The following EYS variants were observed in gnomAD, a reference collection of about 807,000 sequenced individuals.
The protein encoded by EYS is EGF-like photoreceptor maintenance factor, also known as protein eyes shut homolog.
A neutral mutation model predicts 282.1 loss-of-function variants in EYS; 250 were observed. The ratio of observed to expected loss-of-function variants is 0.89; its 90% confidence interval spans 0.80 to 0.98. The LOEUF (loss-of-function observed/expected upper bound fraction) is 0.98. EYS is among the 50% of genes least tolerant of loss of function. The pLI is 0.00. For synonymous variants in EYS, 1,355 were observed against 1,282.9 expected (o/e 1.06, Z -1.20); for missense variants, 4,016 against 3,709.0 (o/e 1.08, Z -2.15).
intron 15 of EYS, among the ~76,000 whole-genome samples, chr6:64,929,143 C>A (rs1430516429): frequency 6.6e-6 from 1 of 151,892 alleles, no homozygotes; most frequent in Non-Finnish European, 1.5e-5. Context: ...TTCAATAGGA[C>A]CACTGTCTTT....
rs187283512 is a variant in EYS at position 64,382,723 on chromosome 6, T to C, written c.6078+5967A>G. ...AGATCAAACAGAGGTCCGAAGGATG[T>C]TGAAAACACACAGATTAAGAGAGAA... On this transcript the variant is annotated intron_variant, in intron 29 of 42. Transcript: ENST00000503581. Among the ~76,000 whole-genome samples, 7 of 152,282 alleles carry C rather than the reference T, an allele frequency of 4.6e-5. No homozygotes were observed. The East Asian group carries it at 1.4e-3, about 29-fold the overall frequency.
intron 11 of EYS, among the ~76,000 whole-genome samples, chr6:65,299,462 G>T (rs898318604): frequency 3.9e-5 from 6 of 151,978 alleles, no homozygotes; most frequent in African/African-American, 1.4e-4. Flanking sequence ...TTGTTTGAAA[G>T]CTCATTGGGA....
intron 13 of EYS, among the ~76,000 whole-genome samples, chr6:65,019,219 G>A (rs942479536): frequency 1.3e-5 from 2 of 152,084 alleles, no homozygotes; most frequent in African/African-American, 4.8e-5. Context: ...TACCACCATA[G>A]AAGCACAGAC....
intron 12 of EYS, among the ~76,000 whole-genome samples, chr6:65,174,726 T>G (rs558217289): frequency 6.6e-6 from 1 of 151,352 alleles, no homozygotes; most frequent in Non-Finnish European, 1.5e-5. Flanking sequence ...GACTGATCCA[T>G]AAATTGTTGC....
At chr6:64,601,187 C>T (rs1766749082) in intron 24 of EYS, among the ~76,000 whole-genome samples, 1 of 151,982 alleles carries the variant, frequency 6.6e-6, no homozygotes, top group South Asian at 2.1e-4. Context: ...TCTCCATTCT[C>T]CCCAGAAGCA....
At chr6:64,392,003 C>T (rs1287239747) in intron 28 of EYS, among the ~76,000 whole-genome samples, 3 of 151,566 alleles carry the variant, frequency 2.0e-5, no homozygotes, top group African/African-American at 4.9e-5. Flanking sequence ...AGACTTTAAA[C>T]CAACAAACAT....
At chr6:64,263,419 T>C (rs1055666448) in intron 30 of EYS, among the ~76,000 whole-genome samples, 2 of 152,098 alleles carry the variant, frequency 1.3e-5, no homozygotes, top group Admixed American at 1.3e-4. Flanking sequence ...ATCTTCTTAT[T>C]CTTTTAAGCC....
intron 22 of EYS, among the ~76,000 whole-genome samples, chr6:64,656,546 A>G (rs1034302945): frequency 9.9e-5 from 15 of 152,182 alleles, no homozygotes; most frequent in African/African-American, 3.4e-4. Flanking sequence ...GTAAGTTGGT[A>G]GATGAAAGAG....
chr6:65,234,065 T>C (rs1766858430), intron 12 of EYS, among the ~76,000 whole-genome samples: 1 of 151,756 alleles, frequency 6.6e-6, no homozygotes, highest in African/African-American at 2.4e-5. Flanking sequence ...TCTACTAGCC[T>C]CTTCTTAGTC....
intron 13 of EYS, among the ~76,000 whole-genome samples, chr6:65,015,771 A>T (rs1188466814): frequency 6.6e-6 from 1 of 150,570 alleles, no homozygotes; most frequent in Non-Finnish European, 1.5e-5. Flanking sequence ...GCAGTGGCTC[A>T]CATCTGTAAT....
At chr6:64,666,216 G>A (rs1390666682) in intron 22 of EYS, among the ~76,000 whole-genome samples, 3 of 152,076 alleles carry the variant, frequency 2.0e-5, no homozygotes, top group African/African-American at 4.8e-5. Context: ...TGTAACAAAC[G>A]TTCAAGTGTA....
At chr6:65,069,173 C>T (rs186058929) in intron 12 of EYS, among the ~76,000 whole-genome samples, 3 of 151,888 alleles carry the variant, frequency 2.0e-5, no homozygotes, top group Non-Finnish European at 2.9e-5. Context: ...TATCTCCTTC[C>T]TCATCTCTTG....
chr6:65,650,788 C>T (rs1422018336), intron 1 of EYS, among the ~76,000 whole-genome samples: 2 of 152,144 alleles, frequency 1.3e-5, no homozygotes, highest in South Asian at 2.1e-4. Context: ...TATACTCTCA[C>T]ATTTGCCCAT....
At chr6:65,545,362 T>C (rs1351470782) in intron 2 of EYS, among the ~76,000 whole-genome samples, 1 of 152,122 alleles carries the variant, frequency 6.6e-6, no homozygotes, top group Non-Finnish European at 1.5e-5. Context: ...AAATTAGTAT[T>C]TAGATATTAA....
intron 33 of EYS, among the ~76,000 whole-genome samples, chr6:64,020,740 A>C (rs1254853730): frequency 6.6e-6 from 1 of 152,200 alleles, no homozygotes; most frequent in Non-Finnish European, 1.5e-5. Flanking sequence ...ATTGATAGAC[A>C]GTCAATGCAG....
At position 63,737,990 on chromosome 6, in the gene EYS, T is replaced by A. The variant is rs376740003; in HGVS notation, c.8072-11310A>T. Among the ~76,000 whole-genome samples, 168 of 152,186 alleles carry A rather than the reference T, an allele frequency of 1.1e-3. 5 individuals carry two copies. The South Asian group carries it at 0.024, about 22-fold the overall frequency. On this transcript the variant is annotated intron_variant, in intron 41 of 42. Transcript: ENST00000503581. ...GCCAAAAAAACACATAAAGAAATGC[T>A]CACCATCACTGGCCATCAGAGAAAT...
chr6:63,849,534 T>C (rs983394376), intron 36 of EYS, among the ~76,000 whole-genome samples: 5 of 152,102 alleles, frequency 3.3e-5, no homozygotes, highest in African/African-American at 1.2e-4. Context: ...ATGCAAACAG[T>C]GTCAGGAGTG....
At chr6:64,861,772 T>C (rs937943813) in intron 19 of EYS, among the ~76,000 whole-genome samples, 2 of 152,242 alleles carry the variant, frequency 1.3e-5, no homozygotes, top group African/African-American at 2.4e-5. Context: ...ATCCACAATG[T>C]ACATAATACA....
chr6:65,105,677 G>C (rs1169378827), intron 12 of EYS, among the ~76,000 whole-genome samples: 1 of 151,872 alleles, frequency 6.6e-6, no homozygotes, highest in East Asian at 1.9e-4. Flanking sequence ...GGGCAAGAGA[G>C]ATGGGGTGAG....
Sources: gnomAD v4.1 joint callset for allele counts (sites outside exome capture counted in the v4.1 genomes callset) on GRCh38, gnomAD v4.1.1 for gene constraint, MANE v1.5 for transcripts, NCBI Gene and HGNC (gene_info 2026-07-23, HGNC 2026-07-21) for gene names.